PITPNB: variants seen among roughly 807,000 people sequenced by gnomAD.
PITPNB encodes the protein phosphatidylinositol transfer protein beta isoform.
A neutral mutation model predicts 45.9 loss-of-function variants in PITPNB; 16 were observed. The ratio of observed to expected loss-of-function variants is 0.35; its 90% confidence interval spans 0.24 to 0.53. The LOEUF is 0.53. Ranked by LOEUF, PITPNB falls within the 20% of genes least tolerant of loss-of-function variation. The pLI is 0.93. For synonymous variants in PITPNB, 112 were observed against 108.9 expected (o/e 1.03, Z -0.18); for missense variants, 188 against 330.5 (o/e 0.57, Z 3.34).
chr22:27,907,368 T>C (rs1476853779), intron 3 of PITPNB, among the ~76,000 whole-genome samples: 2 of 152,228 alleles, frequency 1.3e-5, no homozygotes, highest in South Asian at 2.1e-4. Flanking sequence ...AATATAGTTA[T>C]CCTGTGGCTG....
At chr22:27,862,066 G>A (rs192704692) in intron 8 of PITPNB, among the ~76,000 whole-genome samples, 15 of 152,112 alleles carry the variant, frequency 9.9e-5, no homozygotes, top group Admixed American at 2.6e-4. Flanking sequence ...GTCTTCACAC[G>A]GTGGTGCCCA....
intron 1 of PITPNB, among the ~76,000 whole-genome samples, chr22:27,916,774 G>A (rs911716186): frequency 6.6e-6 from 1 of 151,976 alleles, no homozygotes; most frequent in Non-Finnish European, 1.5e-5. Flanking sequence ...CTGCACTCCA[G>A]CCTGGGCAAC....
chr22:27,866,997 C>T lies in PITPNB; in HGVS notation c.534+6741G>A, dbSNP rs139943143. On this transcript the variant is annotated intron_variant, in intron 8 of 11. Transcript: ENST00000335272. ...TCAGCTATTCTCTCTATTTAGGTAA[C>T]CTAAACTTTATTTAGGTAACCATTT... is the stretch of plus-strand genomic sequence containing the variant. Among the ~76,000 whole-genome samples the T allele has an allele frequency of 7.2e-3, 1,093 of 152,302 alleles. 15 individuals carry two copies. Among genetic ancestry groups the T allele is most frequent in the African/African-American group, 0.023 (949 of 41,556 alleles).
chr22:27,886,358 T>C (rs1935122824), intron 7 of PITPNB, among the ~76,000 whole-genome samples: 1 of 152,196 alleles, frequency 6.6e-6, no homozygotes, highest in South Asian at 2.1e-4. Flanking sequence ...CAAAAAGTCT[T>C]AATGACCCAT....
At chr22:27,893,582 CTTTTTT>C (rs745878388) in intron 7 of PITPNB, among the ~76,000 whole-genome samples, 3 of 74,032 alleles carry the variant, frequency 4.1e-5, no homozygotes, top group Non-Finnish European at 7.4e-5. Context: ...CATGTCTAGC[CTTTTTT>C]TTTTTTTTTT....
intron 7 of PITPNB, among the ~76,000 whole-genome samples, chr22:27,890,499 A>C (rs1435744044): frequency 6.6e-6 from 1 of 151,928 alleles, no homozygotes; most frequent in East Asian, 1.9e-4. Context: ...GAGGTAGAAA[A>C]AACCCAAATG....
rs1343657046 is a variant in PITPNB at position 27,911,082 on chromosome 22, C to T, written c.79G>A (p.Ala27Thr). Residue 27 changes from alanine (A) to threonine (T), a missense_variant, in exon 3 of 12, where the codon GCA becomes ACA. Ala to Thr is a moderately conservative substitution (Grantham distance 58). Coordinates refer to ENST00000335272, the MANE Select transcript of PITPNB (RefSeq NM_012399.5). ...EYQVGQLYSVAEASKNETGGG... is the reference protein window; with the variant it reads ...EYQVGQLYSVTEASKNETGGG... Reference sequence around the variant, plus strand: ...CCAGTCTCATTCTTACTAGCTTCTGCAACAGAGTAAAGCTGCCCAACCTGA... The same window carrying T: ...CCAGTCTCATTCTTACTAGCTTCTGTAACAGAGTAAAGCTGCCCAACCTGA... 2.5e-6 allele frequency: 4 copies of T among 1,612,988 alleles called. No homozygotes were observed. The highest frequency in any genetic ancestry group is 3.4e-6 in the Non-Finnish European group (4 of 1,179,168).
chr22:27,877,396 G>T (rs983074810), intron 7 of PITPNB, among the ~76,000 whole-genome samples: 1 of 151,906 alleles, frequency 6.6e-6, no homozygotes, highest in Non-Finnish European at 1.5e-5. Flanking sequence ...TCTTATTTAA[G>T]AAAAAAAGGC....
chr22:27,876,528 G>T (rs771441319), intron 7 of PITPNB, among the ~76,000 whole-genome samples: 59 of 152,210 alleles, frequency 3.9e-4, no homozygotes, highest in Non-Finnish European at 6.6e-4. Context: ...TGAATATGAA[G>T]AATACGTAAA....
intron 1 of PITPNB, among the ~76,000 whole-genome samples, chr22:27,915,817 A>G (rs983784283): frequency 2.0e-5 from 3 of 152,200 alleles, no homozygotes; most frequent in Non-Finnish European, 2.9e-5. Flanking sequence ...ATAGGTTGGG[A>G]GCAGATTATC....
chr22:27,875,629 A>C (rs1934799547), intron 7 of PITPNB, among the ~76,000 whole-genome samples: 1 of 151,798 alleles, frequency 6.6e-6, no homozygotes, highest in South Asian at 2.1e-4. Flanking sequence ...CCTAAAAGCA[A>C]GCTCATTTTC....
rs1215540962 is a variant in PITPNB at position 27,883,252 on chromosome 22, T to C, written c.457-9437A>G. Among the ~76,000 whole-genome samples, 3 of 152,348 alleles carry C rather than the reference T, an allele frequency of 2.0e-5. No individual in the cohort carries two copies. In the East Asian group the frequency reaches 5.8e-4, roughly 29 times the overall value. ...CATACAGCAAAAAGTTGTTCTCGAA[T>C]GACAAAAATAAAGTCAGGAGCTCTG... On this transcript the variant is annotated intron_variant, in intron 7 of 11. Coordinates refer to ENST00000335272, the MANE Select transcript of PITPNB (RefSeq NM_012399.5).
At chr22:27,915,612 T>C (rs1488703140) in intron 1 of PITPNB, among the ~76,000 whole-genome samples, 1 of 152,194 alleles carries the variant, frequency 6.6e-6, no homozygotes, top group Non-Finnish European at 1.5e-5. Context: ...ACTCTTTGTC[T>C]TTCTGGTAAC....
chr22:27,892,206 T>C lies in PITPNB; in HGVS notation c.456+2349A>G, dbSNP rs144729974. On this transcript the variant is annotated intron_variant, in intron 7 of 11. Coordinates refer to ENST00000335272, the MANE Select transcript of PITPNB (RefSeq NM_012399.5). ...GCTGTCATGCATCCAGTGCCTCCTC[T>C]CCTCTCTGAAGTCTGTGCTGAGGTG... is the stretch of plus-strand genomic sequence containing the variant. Among the ~76,000 whole-genome samples the C allele has an allele frequency of 2.3e-3, 352 of 152,254 alleles. 1 individual carries two copies. Among genetic ancestry groups the C allele is most frequent in the Middle Eastern group, 6.8e-3 (2 of 294 alleles).
intron 8 of PITPNB, among the ~76,000 whole-genome samples, chr22:27,863,593 G>A (rs1181272003): frequency 6.6e-6 from 1 of 152,156 alleles, no homozygotes; most frequent in African/African-American, 2.4e-5. Context: ...ATGAGCTCCT[G>A]AAAGCTTTCT....
intron 7 of PITPNB, among the ~76,000 whole-genome samples, chr22:27,890,037 G>A (rs957956566): frequency 2.0e-5 from 3 of 152,206 alleles, no homozygotes; most frequent in South Asian, 2.1e-4. Flanking sequence ...ACAATGGGGC[G>A]GAAATTAAAG....
intron 7 of PITPNB, among the ~76,000 whole-genome samples, chr22:27,885,708 T>G (rs561593251): frequency 6.6e-6 from 1 of 152,304 alleles, no homozygotes; most frequent in East Asian, 1.9e-4. Context: ...ATAATATATA[T>G]CTTATCCAGA....
chr22:27,864,602 A>G (rs1934428530), intron 8 of PITPNB, among the ~76,000 whole-genome samples: 1 of 152,200 alleles, frequency 6.6e-6, no homozygotes, highest in Non-Finnish European at 1.5e-5. Flanking sequence ...AATACTTCAT[A>G]GGCCTTCCAT....
At chr22:27,874,601 T>C (rs1229878795) in intron 7 of PITPNB, among the ~76,000 whole-genome samples, 1 of 152,198 alleles carries the variant, frequency 6.6e-6, no homozygotes, top group Non-Finnish European at 1.5e-5. Context: ...TTAAAATCTA[T>C]CTGCTTTACA....
Sources: gnomAD v4.1 joint callset for allele counts (sites outside exome capture counted in the v4.1 genomes callset) on GRCh38, gnomAD v4.1.1 for gene constraint, MANE v1.5 for transcripts, NCBI Gene and HGNC (gene_info 2026-07-23, HGNC 2026-07-21) for gene names.